The following CELF2 variants were observed in gnomAD, a reference collection of about 807,000 sequenced individuals.
CELF2 encodes the protein CUG triplet repeat RNA-binding protein 2.
Under a neutral mutation model 62.6 loss-of-function variants are expected in CELF2, and 8 were observed. That is an observed-to-expected ratio of 0.13 (90% CI 0.07 to 0.23). The LOEUF is 0.23. Ranked by LOEUF, CELF2 falls within the 10% of genes least tolerant of loss-of-function variation. CELF2 has a pLI of 1.00. For missense variants in CELF2, 333 were observed against 671.0 expected, an observed-to-expected ratio of 0.50 and a Z score of 5.56; for synonymous variants, 258 against 250.0, an observed-to-expected ratio of 1.03 and a Z score of -0.30.
the CELF2 span, among the ~76,000 whole-genome samples, chr10:10,675,781 G>C: frequency 6.6e-6 from 1 of 152,036 alleles, no homozygotes; most frequent in African/African-American, 2.4e-5. Context: ...TTCTGTTACT[G>C]TGTTTTTGAT....
At chr10:11,182,222 A>G (rs975136025) in intron 2 of CELF2, among the ~76,000 whole-genome samples, 5 of 152,198 alleles carry the variant, frequency 3.3e-5, no homozygotes, top group Non-Finnish European at 7.3e-5. Context: ...CTCAGGAACA[A>G]TTCCATTCTG....
At chr10:11,068,653 T>C (rs1291856) in intron 1 of CELF2, among the ~76,000 whole-genome samples, 49,552 of 151,638 alleles carry the variant, frequency 0.33, 8,811 homozygotes, top group African/African-American at 0.43. Flanking sequence ...TTCTGCTTCC[T>C]GGGTTCACGC....
At chr10:10,942,725 G>C (rs189217042) in intron 2 of CELF2, among the ~76,000 whole-genome samples, 5 of 152,200 alleles carry the variant, frequency 3.3e-5, no homozygotes, top group Admixed American at 6.5e-5. Flanking sequence ...GGCCATTTTA[G>C]ATGCTTTATA....
At position 10,931,136 on chromosome 10, in the gene CELF2, T is replaced by C. The variant is rs1020784686; in HGVS notation, c.89+11137T>C. Among the ~76,000 whole-genome samples, 1 of 152,238 alleles carries C rather than the reference T, an allele frequency of 6.6e-6. No individual in the cohort carries two copies. The highest frequency in any genetic ancestry group is 6.5e-5 in the Admixed American group (1 of 15,276). On this transcript the variant is annotated intron_variant, in intron 2 of 13. Coordinates refer to the CELF2 transcript ENST00000636488. This position sits in a 1 kb window ranked among gnomAD's most constrained non-coding sequence, Gnocchi z 6.1. ...TTTCGGATTAGGTTTTGTAAATGTT[T>C]CTATTATGTATTTTCCTTTTCCTTC... is the stretch of plus-strand genomic sequence containing the variant.
rs1238772661 is a variant in CELF2, at chr10:10,954,904, A to AT, written c.89+34905_89+34906insT. 5.3e-5 allele frequency among the ~76,000 whole-genome samples: 8 copies of AT among 152,374 alleles called. No homozygotes were observed. The East Asian group carries it at 1.3e-3, about 26-fold the overall frequency. ...ATCTTTTGTTCCAAAGGGAGAAAAAAATAATATGCTCATGCATTTATCGTT... is the reference window on the plus strand; with the variant it reads ...ATCTTTTGTTCCAAAGGGAGAAAAAATATAATATGCTCATGCATTTATCGTT... On this transcript the variant is annotated intron_variant, in intron 2 of 13. Coordinates refer to the CELF2 transcript ENST00000636488.
the CELF2 span, among the ~76,000 whole-genome samples, chr10:10,581,745 A>T: frequency 6.6e-6 from 1 of 152,296 alleles, no homozygotes; most frequent in South Asian, 2.1e-4. Context: ...AAAGGGTCAC[A>T]TAGGCCAGGC....
At chr10:10,820,401 C>A (rs913138726) in intron 1 of CELF2, among the ~76,000 whole-genome samples, 3 of 152,166 alleles carry the variant, frequency 2.0e-5, no homozygotes, top group African/African-American at 7.2e-5. Context: ...TGACTTCCAC[C>A]ATCTCCCCAT....
the CELF2 span, among the ~76,000 whole-genome samples, chr10:10,588,070 C>T: frequency 4.0e-5 from 6 of 151,542 alleles, no homozygotes; most frequent in African/African-American, 1.5e-4. Context: ...AGGCATGATC[C>T]CTTCTAACAG....
the CELF2 span, among the ~76,000 whole-genome samples, chr10:10,716,502 CT>C: frequency 1.3e-5 from 2 of 152,180 alleles, no homozygotes; most frequent in Non-Finnish European, 2.9e-5. Flanking sequence ...GATCACACCA[CT>C]GTACTCCAGC....
At chr10:10,877,518 T>C (rs1370014983) in intron 1 of CELF2, among the ~76,000 whole-genome samples, 4 of 152,236 alleles carry the variant, frequency 2.6e-5, no homozygotes, top group African/African-American at 7.2e-5. Context: ...ACATCAGATA[T>C]GCATTTATCT....
chr10:11,180,584 TG>T (rs969205371), intron 2 of CELF2, among the ~76,000 whole-genome samples: 2 of 152,162 alleles, frequency 1.3e-5, no homozygotes, highest in African/African-American at 4.8e-5. Flanking sequence ...GTGACAGCTC[TG>T]GGTATAGCCT....
chr10:10,691,466 T>C, the CELF2 span, among the ~76,000 whole-genome samples: 1 of 150,444 alleles, frequency 6.6e-6, no homozygotes, highest in African/African-American at 2.5e-5. Context: ...ACAATAAACA[T>C]ACGTGTGCAT....
rs1047950447 is a variant in CELF2, at chr10:11,297,771, A to T, written c.976+9219A>T. ...GTTCCTTGAGGAACTCCCTGAGGCC[A>T]GGAGTTTGAGACCAGCCTGGCCAAC... On this transcript the variant is annotated intron_variant, in intron 9 of 12. Transcript: ENST00000633077. This position sits in a 1 kb window ranked among gnomAD's most constrained non-coding sequence, Gnocchi z 4.4. Among the ~76,000 whole-genome samples the T allele has an allele frequency of 6.6e-6, 1 of 152,152 alleles. No homozygotes were observed. The highest frequency in any genetic ancestry group is 1.5e-5 in the Non-Finnish European group (1 of 68,006).
chr10:10,944,730 T>A (rs2047458178), intron 2 of CELF2, among the ~76,000 whole-genome samples: 1 of 151,832 alleles, frequency 6.6e-6, no homozygotes. Context: ...GCCTCCCGAG[T>A]AGCTGGGATT....
At position 10,947,338 on chromosome 10, in the gene CELF2, G is replaced by A. The variant is rs1292033483; in HGVS notation, c.89+27339G>A. ...TTTAGAGCTGATTGGGCACAGATGG[G>A]AGGCAGGGTTATTTACCATTTTACT... is the stretch of plus-strand genomic sequence containing the variant. On this transcript the variant is annotated intron_variant, in intron 2 of 13. Transcript: ENST00000636488. This position sits in a 1 kb window ranked among gnomAD's most constrained non-coding sequence, Gnocchi z 4.1. 6.6e-6 allele frequency: 1 copy of A among 152,626 alleles called. No individual in the cohort carries two copies. The highest frequency in any genetic ancestry group is 1.5e-5 in the Non-Finnish European group (1 of 68,044). 9.5% of individuals were successfully genotyped at this position (152,626 alleles called of 1,614,324 possible).
the CELF2 span, among the ~76,000 whole-genome samples, chr10:10,643,430 A>C: frequency 1.3e-5 from 2 of 152,088 alleles, no homozygotes; most frequent in South Asian, 4.1e-4. Context: ...GTAAGACGTG[A>C]CTTTGCTCCA....
chr10:11,153,367 A>G (rs981466126), intron 1 of CELF2, among the ~76,000 whole-genome samples: 1 of 152,122 alleles, frequency 6.6e-6, no homozygotes, highest in Admixed American at 6.6e-5. Context: ...TCTGACATTT[A>G]TCTTATAATT....
rs1342987631 is a variant in CELF2, at chr10:11,268,396, T to TC, written c.618+1722dup. ...TAGAAACATTACGATCCCCATTCCT[T>TC]CCCTTGGAGCCCCCCCAGTAATGCT... On this transcript the variant is annotated intron_variant, in intron 6 of 12. Coordinates refer to ENST00000633077, the MANE Select transcript of CELF2 (RefSeq NM_001326342.2). The surrounding 1 kb of genome is among the most constrained non-coding windows in gnomAD (Gnocchi z 4.7). Among the ~76,000 whole-genome samples the TC allele has an allele frequency of 2.0e-5, 3 of 152,030 alleles. No homozygotes were observed. In the East Asian group the frequency reaches 5.8e-4, roughly 29 times the overall value.
At chr10:10,987,775 AT>A (rs1178561686) in intron 2 of CELF2, among the ~76,000 whole-genome samples, 1 of 152,200 alleles carries the variant, frequency 6.6e-6, no homozygotes, top group African/African-American at 2.4e-5. Flanking sequence ...AAGAAAAAAA[AT>A]AATCCCATCA....
Sources: gnomAD v4.1 joint callset for allele counts (sites outside exome capture counted in the v4.1 genomes callset) on GRCh38, gnomAD v4.1.1 for gene constraint, Gnocchi (gnomAD v3.1) non-coding constraint, MANE v1.5 for transcripts, NCBI Gene and HGNC (gene_info 2026-07-23, HGNC 2026-07-21) for gene names.